The following OPCML variants were observed in gnomAD, a reference collection of about 807,000 sequenced individuals.
The protein encoded by OPCML is opioid-binding protein/cell adhesion molecule.
OPCML carries 13 observed loss-of-function variants against 37.8 expected under a neutral mutation model. That is an observed-to-expected ratio of 0.34 (90% CI 0.22 to 0.55). OPCML has a LOEUF of 0.55. OPCML is among the 20% of genes least tolerant of loss of function. The probability of loss-of-function intolerance (pLI) is 0.91; values close to 1 mark genes in which losing one functional copy is unlikely to be tolerated. For missense variants in OPCML, 341 were observed against 435.6 expected (o/e 0.78, Z 1.93); for synonymous variants, 176 against 168.8 (o/e 1.04, Z -0.33).
chr11:132,665,784 G>A (rs1243178286), intron 2 of OPCML, among the ~76,000 whole-genome samples: 1 of 152,064 alleles, frequency 6.6e-6, no homozygotes, highest in Non-Finnish European at 1.5e-5. Context: ...CCCAAGAAGA[G>A]GTAGGCAAGG....
At chr11:132,984,758 C>G (rs1946654364) in intron 1 of OPCML, among the ~76,000 whole-genome samples, 1 of 152,198 alleles carries the variant, frequency 6.6e-6, no homozygotes, top group South Asian at 2.1e-4. Context: ...CCAGCAACAG[C>G]TTGAAGACAC....
chr11:132,842,314 G>A (rs1399737206), intron 2 of OPCML, among the ~76,000 whole-genome samples: 1 of 152,176 alleles, frequency 6.6e-6, no homozygotes, highest in Non-Finnish European at 1.5e-5. Flanking sequence ...GCTAGAGGTC[G>A]CTGAGGGTCA....
rs969265094 is a variant in OPCML, at chr11:132,827,273, C to A, written c.146+115653G>T. 2.0e-5 allele frequency among the ~76,000 whole-genome samples: 3 copies of A among 152,228 alleles called. No homozygotes were observed. In the South Asian group the frequency reaches 6.2e-4, roughly 32 times the overall value. ...GGGGAGCAAAAGATCAGGTACCCCA[C>A]CAAATATGATCTACAGATATCAAAT... On this transcript the variant is annotated intron_variant, in intron 2 of 7. Transcript: ENST00000524381.
At position 133,475,058 on chromosome 11, in the gene OPCML, AC is replaced by A. The variant is rs1947209641; in HGVS notation, c.61+57205del. Among the ~76,000 whole-genome samples the A allele has an allele frequency of 2.0e-5, 3 of 152,268 alleles. No homozygotes were observed. The South Asian group carries it at 6.2e-4, about 32-fold the overall frequency. ...GCCACCTTTACCCCCTAGGCCTGAA[AC>A]AAGGAGGCCCTGGCTGCTCTTCTAT... is the stretch of plus-strand genomic sequence containing the variant. On this transcript the variant is annotated intron_variant, in intron 1 of 7. Coordinates refer to ENST00000524381, the MANE Select transcript of OPCML (RefSeq NM_001012393.5).
At chr11:132,584,132 A>G (rs545259793) in intron 3 of OPCML, among the ~76,000 whole-genome samples, 1 of 152,158 alleles carries the variant, frequency 6.6e-6, no homozygotes, top group Non-Finnish European at 1.5e-5. Context: ...AAATTACGGG[A>G]ATTTGTGGCT....
chr11:132,507,035 A>G (rs1259697320), intron 4 of OPCML, among the ~76,000 whole-genome samples: 1 of 152,044 alleles, frequency 6.6e-6, no homozygotes, highest in Non-Finnish European at 1.5e-5. Flanking sequence ...TACATTTAGT[A>G]TTAACAAAAT....
At chr11:133,288,824 A>C (rs557728088) in intron 1 of OPCML, among the ~76,000 whole-genome samples, 2 of 152,170 alleles carry the variant, frequency 1.3e-5, no homozygotes, top group Non-Finnish European at 2.9e-5. Flanking sequence ...CAGGAGGCCA[A>C]CTAGACTGGG....
At chr11:132,885,075 C>A (rs1168314754) in intron 2 of OPCML, among the ~76,000 whole-genome samples, 1 of 152,212 alleles carries the variant, frequency 6.6e-6, no homozygotes, top group African/African-American at 2.4e-5. Context: ...CCTCTTCCAC[C>A]ATAACAATTA....
intron 1 of OPCML, among the ~76,000 whole-genome samples, chr11:133,228,536 C>A (rs896229224): frequency 6.6e-6 from 1 of 152,268 alleles, no homozygotes; most frequent in Non-Finnish European, 1.5e-5. Context: ...AGCCGAGGTG[C>A]CCGCTGGTGC....
chr11:132,760,053 CTACCCAG>C (rs1946205127), intron 2 of OPCML, among the ~76,000 whole-genome samples: 1 of 152,018 alleles, frequency 6.6e-6, no homozygotes, highest in African/African-American at 2.4e-5. Context: ...ATTTTTTTAT[CTACCCAG>C]TAGTCATTCA....
At chr11:132,918,091 A>G (rs1944666788) in intron 2 of OPCML, among the ~76,000 whole-genome samples, 1 of 152,226 alleles carries the variant, frequency 6.6e-6, no homozygotes, top group Admixed American at 6.5e-5. Context: ...AATAAGGTAA[A>G]AGCACAATGT....
intron 3 of OPCML, among the ~76,000 whole-genome samples, chr11:132,624,425 T>C (rs1469296640): frequency 6.6e-6 from 1 of 152,196 alleles, no homozygotes; most frequent in Non-Finnish European, 1.5e-5. Context: ...ACTTTTTTCT[T>C]GTAGAAATAC....
intron 3 of OPCML, among the ~76,000 whole-genome samples, chr11:132,534,097 T>A (rs993971456): frequency 6.6e-6 from 1 of 152,156 alleles, no homozygotes. Flanking sequence ...ATTTGCTCTA[T>A]CCTCTCCCTG....
intron 1 of OPCML, among the ~76,000 whole-genome samples, chr11:133,318,187 A>T (rs1432145324): frequency 6.6e-6 from 1 of 152,188 alleles, no homozygotes; most frequent in African/African-American, 2.4e-5. Flanking sequence ...TGATCAGAAC[A>T]TACACACGTC....
chr11:133,102,326 T>C (rs1949095097), intron 1 of OPCML, among the ~76,000 whole-genome samples: 2 of 152,166 alleles, frequency 1.3e-5, no homozygotes, highest in African/African-American at 4.8e-5. Context: ...ATATGGGAAA[T>C]CTCTGTTGCT....
chr11:133,138,810 A>G (rs1199166963), intron 1 of OPCML, among the ~76,000 whole-genome samples: 1 of 152,182 alleles, frequency 6.6e-6, no homozygotes, highest in East Asian at 1.9e-4. Flanking sequence ...AAGAGTAGGC[A>G]TTCATAGAGA....
chr11:132,755,940 T>G (rs73601331), intron 2 of OPCML, among the ~76,000 whole-genome samples: 7,676 of 152,238 alleles, frequency 0.05, 278 homozygotes, highest in African/African-American at 0.11. Context: ...TGACAGCTTA[T>G]CTTGCAAAAG....
At position 132,638,215 on chromosome 11, in the gene OPCML, CTA is replaced by C. The variant is rs557105058; in HGVS notation, c.379+18870_379+18871del. On this transcript the variant is annotated intron_variant, in intron 3 of 7. Coordinates refer to ENST00000524381, the MANE Select transcript of OPCML (RefSeq NM_001012393.5). ...GAGAGAGAGAGAGCATATATACAGA[CTA>C]TATATATATATGATGTATACATATC... Among the ~76,000 whole-genome samples the C allele has an allele frequency of 8.0e-4, 95 of 118,516 alleles. No individual in the cohort carries two copies. The South Asian group carries it at 0.02, about 26-fold the overall frequency. The allele number at this position is 118,516 out of a possible 152,430, so 77.8% of individuals were successfully genotyped here.
intron 1 of OPCML, among the ~76,000 whole-genome samples, chr11:132,958,744 A>G (rs567391441): frequency 3.9e-5 from 6 of 152,356 alleles, no homozygotes; most frequent in Admixed American, 3.9e-4. Context: ...CAGAGCCTGG[A>G]TGACAGCATA....
Sources: allele counts gnomAD v4.1 joint callset (sites outside exome capture counted in the v4.1 genomes callset), GRCh38; gene constraint gnomAD v4.1.1; transcripts MANE v1.5; gene names NCBI Gene and HGNC (gene_info 2026-07-23, HGNC 2026-07-21).